The following RUNDC3B variants were observed in gnomAD, a reference collection of about 807,000 sequenced individuals.
RUNDC3B encodes the protein RUN domain-containing protein 3B.
A neutral mutation model predicts 58.4 loss-of-function variants in RUNDC3B; 33 were observed. That is an observed-to-expected ratio of 0.56 (90% CI 0.43 to 0.75). RUNDC3B has a LOEUF of 0.75. Among genes scored for constraint, RUNDC3B ranks in the 30% least tolerant of loss-of-function variants. RUNDC3B has a pLI of 0.00. For synonymous variants in RUNDC3B, 193 were observed against 195.2 expected (o/e 0.99, Z 0.10); for missense variants, 501 against 535.7 (o/e 0.94, Z 0.64).
intron 8 of RUNDC3B, among the ~76,000 whole-genome samples, chr7:87,789,046 G>A (rs561107143): frequency 6.6e-6 from 1 of 152,186 alleles, no homozygotes; most frequent in Non-Finnish European, 1.5e-5. Context: ...TATAAGAGAG[G>A]GGTTTTGTCA....
intron 2 of RUNDC3B, among the ~76,000 whole-genome samples, chr7:87,692,349 C>G (rs1828093915): frequency 6.6e-6 from 1 of 152,098 alleles, no homozygotes; most frequent in African/African-American, 2.4e-5. Context: ...CTTAGCTACT[C>G]ACAAGGCGAA....
intron 2 of RUNDC3B, among the ~76,000 whole-genome samples, chr7:87,679,338 C>T (rs1212492049): frequency 6.7e-6 from 1 of 149,582 alleles, no homozygotes; most frequent in Non-Finnish European, 1.5e-5. Flanking sequence ...CGTGATCCAC[C>T]CACCTTGGCC....
In RUNDC3B at chr7:87,820,568, G is replaced by T. The variant is rs553013347; in HGVS notation, c.1225+4306G>T. ...CCAGCATCATCCTGATACCAAAGCC[G>T]GGCAGAGACACAACCAAAAAAGAGA... On this transcript the variant is annotated intron_variant, in intron 10 of 10. Coordinates refer to ENST00000394654, the MANE Select transcript of RUNDC3B (RefSeq NM_001134405.2). 3.8e-3 allele frequency among the ~76,000 whole-genome samples: 576 copies of T among 152,016 alleles called. 3 individuals carry two copies. The highest frequency in any genetic ancestry group is 0.013 in the African/African-American group (551 of 41,438).
chr7:87,759,532 C>T (rs867618252), intron 6 of RUNDC3B, among the ~76,000 whole-genome samples: 1 of 152,068 alleles, frequency 6.6e-6, no homozygotes, highest in South Asian at 2.1e-4. Context: ...CATGGTGGCT[C>T]ATGCCTATAA....
At chr7:87,792,297 A>G (rs1835567870) in intron 8 of RUNDC3B, among the ~76,000 whole-genome samples, 2 of 152,148 alleles carry the variant, frequency 1.3e-5, no homozygotes, top group South Asian at 2.1e-4. Flanking sequence ...TCAGCATTGG[A>G]CAGATCTTTC....
At chr7:87,682,409 C>G (rs944779085) in intron 2 of RUNDC3B, among the ~76,000 whole-genome samples, 1 of 152,170 alleles carries the variant, frequency 6.6e-6, no homozygotes, top group African/African-American at 2.4e-5. Context: ...CCAGATCCAT[C>G]AGAAGACTCA....
At chr7:87,756,428 G>A (rs1157722771) in intron 6 of RUNDC3B, among the ~76,000 whole-genome samples, 1 of 151,734 alleles carries the variant, frequency 6.6e-6, no homozygotes, top group Non-Finnish European at 1.5e-5. Flanking sequence ...GATGATGTCA[G>A]GTTTTTTACC....
At chr7:87,781,187 T>G (rs1184954296) in intron 8 of RUNDC3B, among the ~76,000 whole-genome samples, 1 of 152,152 alleles carries the variant, frequency 6.6e-6, no homozygotes, top group Non-Finnish European at 1.5e-5. Flanking sequence ...TAGTTCTCCT[T>G]GTAGAGATCT....
At chr7:87,711,597 T>C (rs768279789) in intron 4 of RUNDC3B, among the ~76,000 whole-genome samples, 2 of 152,126 alleles carry the variant, frequency 1.3e-5, no homozygotes, top group African/African-American at 2.4e-5. Context: ...TATTTGTAAA[T>C]GAAAAGATTT....
intron 8 of RUNDC3B, among the ~76,000 whole-genome samples, chr7:87,793,464 A>G (rs1835638078): frequency 6.6e-6 from 1 of 152,128 alleles, no homozygotes; most frequent in African/African-American, 2.4e-5. Flanking sequence ...ATACACTAAA[A>G]ATATCATTCA....
intron 8 of RUNDC3B, among the ~76,000 whole-genome samples, chr7:87,797,602 A>T (rs1193851158): frequency 6.6e-6 from 1 of 152,078 alleles, no homozygotes; most frequent in East Asian, 1.9e-4. Context: ...GTAATGGGTG[A>T]TTTCCCAGCT....
intron 3 of RUNDC3B, among the ~76,000 whole-genome samples, chr7:87,701,129 C>T (rs1247160246): frequency 6.6e-6 from 1 of 152,130 alleles, no homozygotes; most frequent in East Asian, 1.9e-4. Flanking sequence ...ATGATGGTTG[C>T]TTCAAGAAAA....
chr7:87,630,957 A>T (rs1463412624), intron 1 of RUNDC3B, among the ~76,000 whole-genome samples: 2 of 152,162 alleles, frequency 1.3e-5, no homozygotes, highest in African/African-American at 4.8e-5. Context: ...AGCTCTCTGT[A>T]TTAGTTGTAT....
intron 9 of RUNDC3B, among the ~76,000 whole-genome samples, chr7:87,808,088 A>T (rs1001850608): frequency 6.6e-6 from 1 of 151,962 alleles, no homozygotes; most frequent in Non-Finnish European, 1.5e-5. Flanking sequence ...TCATCTTGAA[A>T]CTTGTAAGTT....
chr7:87,641,338 C>T (rs1197477007), intron 1 of RUNDC3B, among the ~76,000 whole-genome samples: 1 of 152,158 alleles, frequency 6.6e-6, no homozygotes, highest in Non-Finnish European at 1.5e-5. Flanking sequence ...CTTTGCTTTA[C>T]TAGTGTTCAT....
intron 2 of RUNDC3B, among the ~76,000 whole-genome samples, chr7:87,663,149 T>G (rs1205756293): frequency 5.9e-5 from 9 of 152,160 alleles, no homozygotes; most frequent in Admixed American, 5.9e-4. Flanking sequence ...GGTGAATTCT[T>G]TAGGTTATCC....
chr7:87,807,685 A>G lies in RUNDC3B; in HGVS notation c.1103+166A>G, dbSNP rs899634851. The stretch of plus-strand genomic sequence containing the variant: ...AGGTTAGATTATCTGAGAAATTCTT[A>G]TGCCATATTGTACCAGCTGTCTACT... On this transcript the variant is annotated intron_variant, in intron 9 of 10. Coordinates refer to ENST00000394654, the MANE Select transcript of RUNDC3B (RefSeq NM_001134405.2). 2.6e-5 allele frequency among the ~76,000 whole-genome samples: 4 copies of G among 152,132 alleles called. No individual in the cohort carries two copies. The East Asian group carries it at 7.7e-4, about 29-fold the overall frequency.
At position 87,784,765 on chromosome 7, in the gene RUNDC3B, T is replaced by G. The variant is rs1195390812; in HGVS notation, c.956+6810T>G. On this transcript the variant is annotated intron_variant, in intron 8 of 10. Coordinates refer to ENST00000394654, the MANE Select transcript of RUNDC3B (RefSeq NM_001134405.2). ...GAGATGTGGTAGGGGGGAGATGTTG[T>G]TGGGGGGTAGAAGATTACCCCCTCA... 3.8e-5 allele frequency among the ~76,000 whole-genome samples: 5 copies of G among 130,214 alleles called. 1 individual carries two copies. In the Middle Eastern group the frequency reaches 0.012, roughly 305 times the overall value. 85.4% of individuals were successfully genotyped at this position (130,214 alleles called of 152,430 possible).
intron 4 of RUNDC3B, among the ~76,000 whole-genome samples, chr7:87,724,374 C>G (rs1831091385): frequency 6.6e-6 from 1 of 151,934 alleles, no homozygotes. Context: ...GATATTATTT[C>G]AATATTTTGG....
Sources: gnomAD v4.1 joint callset for allele counts (sites outside exome capture counted in the v4.1 genomes callset) on GRCh38, gnomAD v4.1.1 for gene constraint, MANE v1.5 for transcripts, NCBI Gene and HGNC (gene_info 2026-07-23, HGNC 2026-07-21) for gene names.